SLC45A4: variants seen among roughly 807,000 people sequenced by gnomAD.
SLC45A4 encodes the protein solute carrier family 45 member 4, also known as polyamine-transporter SLC45A4.
A neutral mutation model predicts 63.7 loss-of-function variants in SLC45A4; 32 were observed. The observed-to-expected ratio is 0.50, with a 90% confidence interval of 0.38 to 0.67. The LOEUF (loss-of-function observed/expected upper bound fraction) is 0.67. Among genes scored for constraint, SLC45A4 ranks in the 30% least tolerant of loss-of-function variants. The pLI is 0.00. For missense variants in SLC45A4, 1,027 were observed against 1,157.7 expected (o/e 0.89, Z 1.64); for synonymous variants, 535 against 510.0 (o/e 1.05, Z -0.66).
chr8:141,212,135 G>GCC, intron 8 of SLC45A4, 62 bp downstream of exon 8: 1 of 544,548 alleles, frequency 1.8e-6, no homozygotes, highest in Admixed American at 6.2e-5. Flanking sequence ...GCCTGGCCCC[G>GCC]CCGCCCGCCC....
At chr8:141,261,571 C>T (rs1251307104) in intron 1 of SLC45A4, among the ~76,000 whole-genome samples, 1 of 152,164 alleles carries the variant, frequency 6.6e-6, no homozygotes, top group Non-Finnish European at 1.5e-5. Flanking sequence ...CATTCTTATA[C>T]ACCAATAACA....
At chr8:141,284,769 AGAAGGACT>A (rs962053198) in intron 1 of SLC45A4, among the ~76,000 whole-genome samples, 1 of 152,110 alleles carries the variant, frequency 6.6e-6, no homozygotes, top group African/African-American at 2.4e-5. Flanking sequence ...GGTCCCATGA[AGAAGGACT>A]GAAGGGCAGG....
chr8:141,279,577 G>A (rs1465275478), intron 1 of SLC45A4, among the ~76,000 whole-genome samples: 1 of 152,218 alleles, frequency 6.6e-6, no homozygotes, highest in Non-Finnish European at 1.5e-5. Context: ...TGGGGGCTTC[G>A]AGTACACAAT....
chr8:141,239,574 GCA>G (rs56366558), intron 2 of SLC45A4, among the ~76,000 whole-genome samples: 77,244 of 144,306 alleles, frequency 0.54, 20,072 homozygotes, highest in Middle Eastern at 0.61. Flanking sequence ...CAGGAGCAAA[GCA>G]CACACACACA....
intron 2 of SLC45A4, chr8:141,253,257 GTGT>G: frequency 6.0e-6 from 1 of 167,218 alleles, no homozygotes; most frequent in Non-Finnish European, 1.3e-5. Context: ...GCCCACCTGT[GTGT>G]CTGTGAATTT....
chr8:141,266,143 G>A (rs575275904), intron 1 of SLC45A4, among the ~76,000 whole-genome samples: 10 of 152,288 alleles, frequency 6.6e-5, no homozygotes, highest in East Asian at 1.9e-4. Flanking sequence ...GGAGAATTCC[G>A]TGAGCCATGC....
In SLC45A4 at chr8:141,218,799, G is replaced by A; in HGVS notation, c.841C>T (p.Pro281Ser). The change falls in exon 5 of 9, where the codon CCT becomes TCT. Residue 281 changes from proline (P) to serine (S), a missense_variant. Pro to Ser is a moderately conservative substitution (Grantham distance 74, BLOSUM62 -1). Coordinates refer to ENST00000517878, the MANE Select transcript of SLC45A4 (RefSeq NM_001286646.2). ...ALDGGEPHGV[P>S]AFPDEVQSEH... ...GACTGTACCTCGTCTGGGAAGGCAG[G>A]GACGCCGTGCGGCTCGCCCCCATCC... The A allele has an allele frequency of 1.2e-6, 2 of 1,613,216 alleles. No individual in the cohort carries two copies. Among genetic ancestry groups the A allele is most frequent in the East Asian group, 2.2e-5 (1 of 44,888 alleles).
At chr8:141,213,709 G>A (rs1825971916) in intron 7 of SLC45A4, among the ~76,000 whole-genome samples, 1 of 152,190 alleles carries the variant, frequency 6.6e-6, no homozygotes, top group Non-Finnish European at 1.5e-5. Context: ...GCAAGCACGC[G>A]GACACGTGGC....
At chr8:141,304,120 C>T (rs1002461499) in intron 1 of SLC45A4, among the ~76,000 whole-genome samples, 4 of 152,166 alleles carry the variant, frequency 2.6e-5, no homozygotes, top group Non-Finnish European at 5.9e-5. Context: ...TACAGCCCAG[C>T]CCCTCTAACT....
At position 141,229,448 on chromosome 8, in the gene SLC45A4, C is replaced by T. The variant is rs1188598263; in HGVS notation, c.242-7683G>A. Among the ~76,000 whole-genome samples the T allele has an allele frequency of 6.6e-6, 1 of 152,140 alleles. No individual in the cohort carries two copies. Among genetic ancestry groups the T allele is most frequent in the African/African-American group, 2.4e-5 (1 of 41,438 alleles). On this transcript the variant is annotated intron_variant, in intron 2 of 8. Coordinates refer to ENST00000517878, the MANE Select transcript of SLC45A4 (RefSeq NM_001286646.2). This position sits in a 1 kb window ranked among gnomAD's most constrained non-coding sequence, Gnocchi z 5.0. The stretch of plus-strand genomic sequence containing the variant: ...CACCAGGCTCACATCCCGCTCAGAA[C>T]CTCAGCCACGGCCACTGGGGAGGGT...
In SLC45A4 at chr8:141,256,547, C is replaced by T; in HGVS notation, c.-400-1918G>A. ...CGTGGGCCCCAGGAGGGAGAAGACT[C>T]CGCTGTACAGGAGGTTCTGGAAGGA... On this transcript the variant is annotated intron_variant, in intron 1 of 8. Coordinates refer to ENST00000517878, the MANE Select transcript of SLC45A4 (RefSeq NM_001286646.2). This position sits in a 1 kb window ranked among gnomAD's most constrained non-coding sequence, Gnocchi z 4.3. 1 of 456,214 alleles carries T rather than the reference C, an allele frequency of 2.2e-6. No individual in the cohort carries two copies. Among genetic ancestry groups the T allele is most frequent in the Non-Finnish European group, 4.4e-6 (1 of 226,952 alleles). 28.3% of individuals were successfully genotyped at this position (456,214 alleles called of 1,614,324 possible). A position where few individuals can be genotyped will look rare whatever the true frequency, so the allele number is the denominator to read the frequency against.
At chr8:141,275,069 T>C (rs1470424234) in intron 1 of SLC45A4, among the ~76,000 whole-genome samples, 1 of 152,228 alleles carries the variant, frequency 6.6e-6, no homozygotes, top group Non-Finnish European at 1.5e-5. Flanking sequence ...CAGCTCTGAA[T>C]TCCGCCAACC....
intron 2 of SLC45A4, among the ~76,000 whole-genome samples, chr8:141,239,331 A>T (rs1827786603): frequency 6.6e-6 from 1 of 151,998 alleles, no homozygotes; most frequent in Admixed American, 6.5e-5. Flanking sequence ...GGTTTACTGA[A>T]CCCCTTTCAG....
At chr8:141,290,471 G>A (rs756601019) in intron 1 of SLC45A4, among the ~76,000 whole-genome samples, 20 of 152,220 alleles carry the variant, frequency 1.3e-4, no homozygotes, top group South Asian at 8.3e-4. Flanking sequence ...GGTGCTCACT[G>A]CTAATTTTAA....
At chr8:141,221,813 C>T (rs776616080) in intron 2 of SLC45A4, 48 bp from the exon 3 acceptor site, 1 of 1,586,820 alleles carries the variant, frequency 6.3e-7, no homozygotes, top group Non-Finnish European at 8.6e-7. Flanking sequence ...TGGCCGGGCT[C>T]TGCCACAGTT....
chr8:141,284,969 G>C (rs1240938267), intron 1 of SLC45A4, among the ~76,000 whole-genome samples: 1 of 150,008 alleles, frequency 6.7e-6, no homozygotes, highest in Admixed American at 6.7e-5. Context: ...CCGACTCCCT[G>C]GGGCCTCGGC....
chr8:141,233,761 A>T (rs1827484223), intron 2 of SLC45A4, among the ~76,000 whole-genome samples: 1 of 152,202 alleles, frequency 6.6e-6, no homozygotes, highest in Non-Finnish European at 1.5e-5. Flanking sequence ...TCTGCCCAAG[A>T]CGGCAGGCCC....
chr8:141,299,135 C>T (rs1246186016), intron 1 of SLC45A4, among the ~76,000 whole-genome samples: 4 of 152,164 alleles, frequency 2.6e-5, no homozygotes, highest in Admixed American at 2.6e-4. Context: ...CCCTCACACA[C>T]CCTGGTTACC....
At chr8:141,247,768 T>A (rs983470802) in intron 2 of SLC45A4, among the ~76,000 whole-genome samples, 5 of 152,124 alleles carry the variant, frequency 3.3e-5, no homozygotes, top group African/African-American at 1.2e-4. Context: ...CCCATAAAAC[T>A]ACAGAAATCA....
Sources: allele counts gnomAD v4.1 joint callset (sites outside exome capture counted in the v4.1 genomes callset), GRCh38; gene constraint gnomAD v4.1.1; non-coding constraint Gnocchi (gnomAD v3.1); transcripts MANE v1.5; gene names NCBI Gene and HGNC (gene_info 2026-07-23, HGNC 2026-07-21).